Variants in KCNMB3 observed in about 807,000 individuals in gnomAD.
KCNMB3 encodes the protein potassium calcium-activated channel subfamily M regulatory beta subunit 3.
KCNMB3 carries 18 observed loss-of-function variants against 11.9 expected under a neutral mutation model. The observed-to-expected ratio is 1.51, with a 90% CI of 1.04 to 2.23. The LOEUF (loss-of-function observed/expected upper bound fraction) is 2.23, where lower values mean the gene tolerates loss of function less well. Among genes scored for constraint, KCNMB3 ranks in the 30% most tolerant of loss-of-function variants. The pLI, the probability that KCNMB3 is intolerant of heterozygous loss-of-function variation, is 0.00. For synonymous variants in KCNMB3, 78 were observed against 119.2 expected (o/e 0.65, Z 2.25); for missense variants, 247 against 329.4 (o/e 0.75, Z 1.94).
chr3:179,261,099 A>G, intron 1 of KCNMB3: 2 of 1,200,562 alleles, frequency 1.7e-6, no homozygotes, highest in Non-Finnish European at 2.4e-6. Flanking sequence ...TCAGTAAAAT[A>G]TTTTTCTGGT....
chr3:179,246,422 A>T (rs1212823268), intron 1 of KCNMB3, among the ~76,000 whole-genome samples: 1 of 152,212 alleles, frequency 6.6e-6, no homozygotes, highest in East Asian at 1.9e-4. Flanking sequence ...AAAAAAAAAA[A>T]AGTAAGAATG....
chr3:179,266,025 T>C (rs1186172389), intron 1 of KCNMB3, among the ~76,000 whole-genome samples: 1 of 152,072 alleles, frequency 6.6e-6, no homozygotes, highest in African/African-American at 2.4e-5. Context: ...GTAGAGCGTA[T>C]ACCCGGTATA....
chr3:179,254,973 C>T (rs1415952836), upstream of KCNMB3, among the ~76,000 whole-genome samples: 3 of 151,792 alleles, frequency 2.0e-5, no homozygotes, highest in Admixed American at 6.6e-5. Context: ...GAGACGAGCC[C>T]GGCCAACATG....
At chr3:179,259,031 A>G in intron 1 of KCNMB3, 1 of 1,613,864 alleles carries the variant, frequency 6.2e-7, no homozygotes, top group South Asian at 1.1e-5. Context: ...AGGACATGGT[A>G]CGGTCTTCTT....
chr3:179,254,610 A>ACCAT (rs1231288501), upstream of KCNMB3, among the ~76,000 whole-genome samples: 1 of 152,120 alleles, frequency 6.6e-6, no homozygotes, highest in Non-Finnish European at 1.5e-5. Flanking sequence ...GGAGATCGAG[A>ACCAT]CCATCCTGGC....
chr3:179,249,002 C>A (rs1476525673), intron 1 of KCNMB3, among the ~76,000 whole-genome samples: 3 of 144,714 alleles, frequency 2.1e-5, no homozygotes, highest in Non-Finnish European at 1.5e-5. Flanking sequence ...AGCAAGACCC[C>A]GTCTCTTTTT....
chr3:179,251,547 C>A (rs978079415), upstream of KCNMB3: 8 of 1,336,048 alleles, frequency 6.0e-6, no homozygotes, highest in South Asian at 1.5e-4. Context: ...CCCTTCATTT[C>A]TTCTCTCCTC....
intron 1 of KCNMB3, chr3:179,260,192 C>G: frequency 6.2e-7 from 1 of 1,613,272 alleles, no homozygotes; most frequent in Non-Finnish European, 8.5e-7. Context: ...CTGTGTGGCT[C>G]CCACCATCTA....
chr3:179,264,575 C>T (rs1320846707), intron 1 of KCNMB3, among the ~76,000 whole-genome samples: 1 of 152,182 alleles, frequency 6.6e-6, no homozygotes, highest in Non-Finnish European at 1.5e-5. Context: ...ACTTTCCCAC[C>T]CAGCCCAAGT....
intron 1 of KCNMB3, among the ~76,000 whole-genome samples, chr3:179,245,335 A>G (rs1725599201): frequency 6.6e-6 from 1 of 152,198 alleles, no homozygotes; most frequent in African/African-American, 2.4e-5. Flanking sequence ...ACTTCCAAAG[A>G]GGCAAGTGCA....
intron 1 of KCNMB3, among the ~76,000 whole-genome samples, chr3:179,264,396 G>A (rs975799009): frequency 6.6e-6 from 1 of 152,098 alleles, no homozygotes; most frequent in African/African-American, 2.4e-5. Context: ...AAGCACTTAA[G>A]TATGATCTAG....
At position 179,266,826 on chromosome 3, in the gene KCNMB3, C is replaced by T. The variant is rs570399140; in HGVS notation, c.-116G>A. The T allele has an allele frequency of 2.7e-5, 40 of 1,467,312 alleles. 1 individual carries two copies. In the South Asian group the frequency reaches 5.4e-4, roughly 20 times the overall value. The allele number at this position is 1,467,312 out of a possible 1,614,324, so 90.9% of individuals were successfully genotyped here. A position where few individuals can be genotyped will look rare whatever the true frequency, so the allele number is the denominator to read the frequency against. ...GGAGTCCCAGCGGGAGCCCCCAGCC[C>T]CCAGCGCAGCTGCAGCCATTAGAAG... On this transcript the variant is annotated 5_prime_UTR_variant, in exon 1 of 4. Transcript: ENST00000349697.
At chr3:179,254,807 A>G (rs1348370667), upstream of KCNMB3, among the ~76,000 whole-genome samples, 4 of 152,128 alleles carry the variant, frequency 2.6e-5, no homozygotes, top group African/African-American at 9.7e-5. Flanking sequence ...CTCAAATAAA[A>G]TAAAATAAAA....
intron 1 of KCNMB3, chr3:179,260,281 C>A (rs574530056): frequency 4.3e-6 from 7 of 1,614,002 alleles, no homozygotes; most frequent in Non-Finnish European, 5.9e-6. Flanking sequence ...TTTGACTCAA[C>A]CTGTGCTGTG....
At chr3:179,257,340 G>C (rs1011469229) in intron 1 of KCNMB3, among the ~76,000 whole-genome samples, 3 of 152,088 alleles carry the variant, frequency 2.0e-5, no homozygotes, top group Admixed American at 2.0e-4. Context: ...TGGTCTTTTT[G>C]CATTCAATTC....
At chr3:179,265,324 G>C (rs1180911516) in intron 1 of KCNMB3, among the ~76,000 whole-genome samples, 1 of 152,188 alleles carries the variant, frequency 6.6e-6, no homozygotes, top group Non-Finnish European at 1.5e-5. Context: ...GATAATGGAA[G>C]TGAGTAACAT....
intron 1 of KCNMB3, among the ~76,000 whole-genome samples, chr3:179,257,815 C>T (rs1726062649): frequency 6.6e-6 from 1 of 152,116 alleles, no homozygotes; most frequent in Admixed American, 6.5e-5. Context: ...TGGCCTCAAG[C>T]GATCCTCCAA....
chr3:179,247,867 AC>A (rs1273443810), intron 1 of KCNMB3, among the ~76,000 whole-genome samples: 1 of 149,100 alleles, frequency 6.7e-6, no homozygotes, highest in African/African-American at 2.5e-5. Flanking sequence ...CTTTTTTATG[AC>A]CCCTTTCCCT....
intron 1 of KCNMB3, among the ~76,000 whole-genome samples, chr3:179,264,615 T>G (rs1311186386): frequency 6.6e-6 from 1 of 152,194 alleles, no homozygotes; most frequent in East Asian, 1.9e-4. Flanking sequence ...AGCTTCTGGC[T>G]TAGCCTGAGG....
Sources: gnomAD v4.1 joint callset for allele counts (sites outside exome capture counted in the v4.1 genomes callset) on GRCh38, gnomAD v4.1.1 for gene constraint, MANE v1.5 for transcripts, NCBI Gene and HGNC (gene_info 2026-07-23, HGNC 2026-07-21) for gene names.